The following CDC42BPA variants were observed in gnomAD, a reference collection of about 807,000 sequenced individuals.
CDC42BPA encodes the protein CDC42 binding protein kinase alpha, also known as serine/threonine-protein kinase MRCK alpha.
In CDC42BPA, 80 loss-of-function variants were observed where a neutral mutation model predicts 223.5. That is an observed-to-expected ratio of 0.36 (90% CI 0.30 to 0.43). The LOEUF (loss-of-function observed/expected upper bound fraction) is 0.43, where lower values mean the gene tolerates loss of function less well. Ranked by LOEUF, CDC42BPA falls within the 20% of genes least tolerant of loss-of-function variation. The pLI, the probability that CDC42BPA is intolerant of heterozygous loss-of-function variation, is 1.00. For synonymous variants in CDC42BPA, 694 were observed against 718.6 expected, an observed-to-expected ratio of 0.97 and a Z score of 0.55; for missense variants, 1,743 against 2,099.9, an observed-to-expected ratio of 0.83 and a Z score of 3.32.
In CDC42BPA at chr1:227,141,846, A is replaced by G. The variant is rs539870670; in HGVS notation, c.1223+1099T>C. ...TAGCTGGGCATGGTGGCTTGTGCCT[A>G]TTGTCCCAGCTACTCAGGAGGCTGA... On this transcript the variant is annotated intron_variant, in intron 9 of 36. Transcript: ENST00000366766. Among the ~76,000 whole-genome samples the G allele has an allele frequency of 6.6e-5, 10 of 152,168 alleles. No individual in the cohort carries two copies. In the East Asian group the frequency reaches 1.9e-3, roughly 29 times the overall value.
intron 19 of CDC42BPA, among the ~76,000 whole-genome samples, chr1:227,073,324 G>A (rs1025996420): frequency 4.6e-5 from 7 of 152,084 alleles, no homozygotes; most frequent in African/African-American, 1.2e-4. Flanking sequence ...CAGAATTGAC[G>A]AAATGTGTTC....
intron 21 of CDC42BPA, among the ~76,000 whole-genome samples, chr1:227,065,942 T>C (rs1676948837): frequency 6.6e-6 from 1 of 152,140 alleles, no homozygotes; most frequent in Non-Finnish European, 1.5e-5. Flanking sequence ...CAACATAATC[T>C]CCTCTATAGC....
At chr1:227,186,245 A>G (rs1261568036) in intron 5 of CDC42BPA, among the ~76,000 whole-genome samples, 1 of 152,218 alleles carries the variant, frequency 6.6e-6, no homozygotes, top group Non-Finnish European at 1.5e-5. Flanking sequence ...CCAGGTCCTC[A>G]TAGTGAATAC....
At chr1:227,142,087 A>G (rs942021783) in intron 9 of CDC42BPA, among the ~76,000 whole-genome samples, 8 of 152,250 alleles carry the variant, frequency 5.3e-5, no homozygotes, top group African/African-American at 1.9e-4. Context: ...TCATGAATTT[A>G]AAGTAGACCA....
intron 17 of CDC42BPA, among the ~76,000 whole-genome samples, chr1:227,076,039 C>G (rs1197513072): frequency 6.6e-6 from 1 of 152,144 alleles, no homozygotes; most frequent in East Asian, 1.9e-4. Context: ...GAACACCTTA[C>G]AACTGCAGTC....
At chr1:227,044,998 C>T (rs1414203544) in intron 23 of CDC42BPA, among the ~76,000 whole-genome samples, 9 of 152,270 alleles carry the variant, frequency 5.9e-5, no homozygotes, top group African/African-American at 1.9e-4. Context: ...AGCCTTTCAG[C>T]CCCCTTACCC....
intron 2 of CDC42BPA, among the ~76,000 whole-genome samples, chr1:227,253,271 C>T (rs986021375): frequency 7.9e-5 from 12 of 152,126 alleles, no homozygotes; most frequent in African/African-American, 2.4e-4. Flanking sequence ...AGAGAGAGCG[C>T]GCGCGCGTGC....
chr1:227,109,928 T>C (rs916302389), intron 14 of CDC42BPA, among the ~76,000 whole-genome samples: 2 of 152,056 alleles, frequency 1.3e-5, no homozygotes, highest in Non-Finnish European at 2.9e-5. Flanking sequence ...TAATGTGATA[T>C]AAATGCTATA....
At chr1:227,134,696 A>T (rs1658134445) in intron 10 of CDC42BPA, among the ~76,000 whole-genome samples, 1 of 152,228 alleles carries the variant, frequency 6.6e-6, no homozygotes, top group Non-Finnish European at 1.5e-5. Context: ...ATCAGTTTAA[A>T]TGTTAATCTA....
At chr1:227,128,961 C>A (rs111661744) in intron 11 of CDC42BPA, 148 bp downstream of exon 11, 8 of 602,234 alleles carry the variant, frequency 1.3e-5, no homozygotes. Flanking sequence ...TCCTTGAGAG[C>A]AGAACCCATT....
chr1:227,087,863 G>T (rs946736042), intron 16 of CDC42BPA, among the ~76,000 whole-genome samples: 1 of 152,162 alleles, frequency 6.6e-6, no homozygotes, highest in African/African-American at 2.4e-5. Context: ...TTTGAGAGTT[G>T]TATGTGCAGC....
chr1:227,142,388 T>C (rs1659847751), intron 9 of CDC42BPA, among the ~76,000 whole-genome samples: 1 of 152,186 alleles, frequency 6.6e-6, no homozygotes, highest in Admixed American at 6.5e-5. Context: ...GTGAAACTCT[T>C]CTAATTACTG....
At chr1:227,033,499 C>A in intron 26 of CDC42BPA, 84 bp from the exon 27 acceptor site, 1 of 807,600 alleles carries the variant, frequency 1.2e-6, no homozygotes, top group South Asian at 1.6e-5. Context: ...AACACATACC[C>A]AAAGCTTAAC....
At chr1:227,292,826 TACCCTTTG>T (rs1316983783) in intron 1 of CDC42BPA, among the ~76,000 whole-genome samples, 1 of 152,324 alleles carries the variant, frequency 6.6e-6, no homozygotes, top group East Asian at 1.9e-4. Context: ...TTTGAATGAC[TACCCTTTG>T]ACCTTTGGCC....
chr1:227,114,949 G>A (rs1687535634), intron 12 of CDC42BPA, among the ~76,000 whole-genome samples: 1 of 152,152 alleles, frequency 6.6e-6, no homozygotes, highest in African/African-American at 2.4e-5. Context: ...GAAGCCAAGA[G>A]TAACCACCAA....
chr1:227,235,671 C>G (rs542019682), intron 2 of CDC42BPA, among the ~76,000 whole-genome samples: 1 of 152,276 alleles, frequency 6.6e-6, no homozygotes, highest in African/African-American at 2.4e-5. Context: ...ATTTTCACCG[C>G]TGACAAGGCA....
intron 9 of CDC42BPA, 64 bp downstream of exon 9, chr1:227,142,881 G>T: frequency 9.1e-7 from 1 of 1,095,460 alleles, no homozygotes; most frequent in Non-Finnish European, 1.3e-6. Flanking sequence ...GCCTCCCAAA[G>T]TGTTGGGATT....
intron 5 of CDC42BPA, among the ~76,000 whole-genome samples, chr1:227,180,978 C>T (rs899034885): frequency 6.6e-6 from 1 of 151,506 alleles, no homozygotes; most frequent in Non-Finnish European, 1.5e-5. Flanking sequence ...CTTTAATCAA[C>T]CTTAATCAGA....
At chr1:227,079,235 A>G (rs1680137668) in intron 17 of CDC42BPA, among the ~76,000 whole-genome samples, 1 of 152,142 alleles carries the variant, frequency 6.6e-6, no homozygotes, top group Non-Finnish European at 1.5e-5. Context: ...ACTTCCTCGT[A>G]TTTCTGATTT....
Sources: allele counts gnomAD v4.1 joint callset (sites outside exome capture counted in the v4.1 genomes callset), GRCh38; gene constraint gnomAD v4.1.1; transcripts MANE v1.5; gene names NCBI Gene and HGNC (gene_info 2026-07-23, HGNC 2026-07-21).